The following ENTREP2 variants were observed in gnomAD, a reference collection of about 807,000 sequenced individuals.
ENTREP2 encodes protein ENTREP2.
chr15:29,540,740 T>C, the ENTREP2 span, among the ~76,000 whole-genome samples: 1 of 152,234 alleles, frequency 6.6e-6, no homozygotes, highest in Non-Finnish European at 1.5e-5. Context: ...GATAAAGTGA[T>C]GTAACACTAC....
the ENTREP2 span, among the ~76,000 whole-genome samples, chr15:29,341,632 G>A: frequency 1.3e-5 from 2 of 152,180 alleles, no homozygotes; most frequent in South Asian, 2.1e-4. Context: ...AGAGTCAAAA[G>A]GGGGAGTGGC....
At chr15:29,564,936 T>TG in the ENTREP2 span, among the ~76,000 whole-genome samples, 1 of 152,108 alleles carries the variant, frequency 6.6e-6, no homozygotes, top group Admixed American at 6.6e-5. Context: ...AAAACTACTT[T>TG]GCCACCATGA....
At chr15:29,363,843 C>T in the ENTREP2 span, among the ~76,000 whole-genome samples, 81 of 152,248 alleles carry the variant, frequency 5.3e-4, 2 homozygotes, top group African/African-American at 1.8e-3. Flanking sequence ...GGCTAATTAT[C>T]GGACACCTAT....
At chr15:29,532,977 C>T in the ENTREP2 span, among the ~76,000 whole-genome samples, 1 of 152,228 alleles carries the variant, frequency 6.6e-6, no homozygotes, top group Non-Finnish European at 1.5e-5. Flanking sequence ...ACAGCAGACC[C>T]TCCATGTGCT....
chr15:29,166,269 G>A, the ENTREP2 span, among the ~76,000 whole-genome samples: 1 of 152,148 alleles, frequency 6.6e-6, no homozygotes, highest in African/African-American at 2.4e-5. Context: ...AACAAGACAA[G>A]GATGCCCACT....
chr15:29,620,817 G>A, the ENTREP2 span, among the ~76,000 whole-genome samples: 9 of 152,116 alleles, frequency 5.9e-5, no homozygotes, highest in South Asian at 6.2e-4. Flanking sequence ...ATCTTACTGA[G>A]AGGTGGGGAA....
the ENTREP2 span, among the ~76,000 whole-genome samples, chr15:29,572,228 T>C: frequency 6.6e-6 from 1 of 152,208 alleles, no homozygotes; most frequent in Admixed American, 6.5e-5. Flanking sequence ...ATTCCACAGA[T>C]AGAGTGACTG....
the ENTREP2 span, chr15:29,195,208 A>G: frequency 2.0e-6 from 2 of 985,256 alleles, no homozygotes; most frequent in African/African-American, 3.5e-5. Context: ...GGACCATCCA[A>G]CTTGGACCAT....
chr15:29,380,662 C>G, the ENTREP2 span, among the ~76,000 whole-genome samples: 1 of 152,138 alleles, frequency 6.6e-6, no homozygotes, highest in East Asian at 1.9e-4. Context: ...TGCTCCTCAG[C>G]ACAATGCCAC....
chr15:29,507,605 A>G, the ENTREP2 span, among the ~76,000 whole-genome samples: 1 of 152,232 alleles, frequency 6.6e-6, no homozygotes, highest in Non-Finnish European at 1.5e-5. Flanking sequence ...AAACTCACTC[A>G]AAACTGCACA....
the ENTREP2 span, among the ~76,000 whole-genome samples, chr15:29,172,376 A>C: frequency 1.3e-5 from 2 of 152,194 alleles, no homozygotes; most frequent in African/African-American, 4.8e-5. Flanking sequence ...AAGGAGCAGG[A>C]GTCCTAGATG....
At chr15:29,176,286 G>C in the ENTREP2 span, among the ~76,000 whole-genome samples, 1 of 152,114 alleles carries the variant, frequency 6.6e-6, no homozygotes, top group Non-Finnish European at 1.5e-5. Context: ...TGAGTGGTGG[G>C]GGGGCACATT....
chr15:29,340,916 C>T, the ENTREP2 span, among the ~76,000 whole-genome samples: 5 of 152,180 alleles, frequency 3.3e-5, no homozygotes, highest in Admixed American at 6.5e-5. Flanking sequence ...GTTTTAATTT[C>T]CATTCTATTT....
the ENTREP2 span, among the ~76,000 whole-genome samples, chr15:29,656,884 A>G: frequency 6.6e-6 from 1 of 152,194 alleles, no homozygotes; most frequent in Non-Finnish European, 1.5e-5. Flanking sequence ...TCTTCACACA[A>G]AAACCTGTAC....
chr15:29,565,951 G>A, the ENTREP2 span, among the ~76,000 whole-genome samples: 1 of 149,024 alleles, frequency 6.7e-6, no homozygotes, highest in Non-Finnish European at 1.5e-5. Flanking sequence ...ATAGAGCAAG[G>A]CTCTGTCTCA....
the ENTREP2 span, among the ~76,000 whole-genome samples, chr15:29,530,020 C>T: frequency 6.6e-6 from 1 of 152,172 alleles, no homozygotes; most frequent in South Asian, 2.1e-4. Flanking sequence ...CAGGCCCCAC[C>T]TAAAGCTCCA....
chr15:29,642,225 A>C, the ENTREP2 span, among the ~76,000 whole-genome samples: 1 of 152,080 alleles, frequency 6.6e-6, no homozygotes, highest in Non-Finnish European at 1.5e-5. Flanking sequence ...TAAAATTCCC[A>C]ATTTCATAAC....
the ENTREP2 span, among the ~76,000 whole-genome samples, chr15:29,245,650 C>T: frequency 4.0e-5 from 6 of 151,130 alleles, no homozygotes; most frequent in South Asian, 1.3e-3. Flanking sequence ...ATAAAAACAA[C>T]AATATAACAG....
the ENTREP2 span, among the ~76,000 whole-genome samples, chr15:29,247,023 C>G: frequency 7.0e-6 from 1 of 142,858 alleles, no homozygotes; most frequent in Non-Finnish European, 1.6e-5. Context: ...ACGCAAAACC[C>G]TGTAGCAGGA....
Sources: gnomAD v4.1 joint callset for allele counts (sites outside exome capture counted in the v4.1 genomes callset) on GRCh38, gnomAD v4.1.1 for gene constraint, MANE v1.5 for transcripts, NCBI Gene and HGNC (gene_info 2026-07-23, HGNC 2026-07-21) for gene names.